Variants in UBASH3B observed in about 807,000 individuals in gnomAD.
UBASH3B encodes the protein ubiquitin associated and SH3 domain containing B, also known as ubiquitin-associated and SH3 domain-containing protein B.
In UBASH3B, 37 loss-of-function variants were observed where a neutral mutation model predicts 83.4. The ratio of observed to expected loss-of-function variants is 0.44; its 90% CI spans 0.34 to 0.58. UBASH3B has a LOEUF of 0.58. Among genes scored for constraint, UBASH3B ranks in the 20% least tolerant of loss-of-function variants. The pLI is 0.01. For missense variants in UBASH3B, 657 were observed against 827.2 expected (o/e 0.79, Z 2.52); for synonymous variants, 304 against 318.3 (o/e 0.96, Z 0.48).
intron 1 of UBASH3B, among the ~76,000 whole-genome samples, chr11:122,687,315 T>C (rs907303919): frequency 6.6e-6 from 1 of 152,246 alleles, no homozygotes; most frequent in African/African-American, 2.4e-5. Context: ...AAGGTCACGG[T>C]ATTTCCAAGT....
intron 1 of UBASH3B, among the ~76,000 whole-genome samples, chr11:122,756,709 C>T (rs1861288518): frequency 6.6e-6 from 1 of 152,212 alleles, no homozygotes; most frequent in Admixed American, 6.5e-5. Context: ...TCTCCCCTGC[C>T]ATGACCATAC....
chr11:122,800,565 T>A lies in UBASH3B; in HGVS notation c.1451-623T>A, dbSNP rs548283001. Among the ~76,000 whole-genome samples, 9 of 151,574 alleles carry A rather than the reference T, an allele frequency of 5.9e-5. No homozygotes were observed. In the East Asian group the frequency reaches 1.6e-3, roughly 26 times the overall value. Reference sequence around the variant, plus strand: ...CAAGACTCTGTATCAAAAAAAATAATAATAATAAAGAAAGAAAGAGGAATT... The same window carrying A: ...CAAGACTCTGTATCAAAAAAAATAAAAATAATAAAGAAAGAAAGAGGAATT... On this transcript the variant is annotated intron_variant, in intron 10 of 13. Transcript: ENST00000284273.
At chr11:122,784,665 A>G (rs1860916659) in intron 5 of UBASH3B, among the ~76,000 whole-genome samples, 1 of 152,222 alleles carries the variant, frequency 6.6e-6, no homozygotes, top group South Asian at 2.1e-4. Flanking sequence ...TTAAAAAACA[A>G]AACATGAAAA....
At chr11:122,779,801 G>T in intron 4 of UBASH3B, 106 bp downstream of exon 4, 1 of 1,349,416 alleles carries the variant, frequency 7.4e-7, no homozygotes. Context: ...GTCAGGAGGT[G>T]GAGGACCCTG....
At chr11:122,668,024 T>A (rs1170062081) in intron 1 of UBASH3B, among the ~76,000 whole-genome samples, 1 of 152,174 alleles carries the variant, frequency 6.6e-6, no homozygotes, top group Non-Finnish European at 1.5e-5. Flanking sequence ...TTCATTCTTG[T>A]TGCCAGGCTG....
intron 1 of UBASH3B, among the ~76,000 whole-genome samples, chr11:122,730,088 C>G (rs1860816684): frequency 6.7e-6 from 1 of 148,946 alleles, no homozygotes; most frequent in Non-Finnish European, 1.5e-5. Flanking sequence ...GAGTTCAAAA[C>G]CAGCCTGGCC....
Position 122,808,124 on chromosome 11 carries a change from T to C in UBASH3B, c.1760T>C (p.Leu587Pro). Residue 587 changes from leucine (L) to proline (P), a missense_variant, in exon 13 of 14, where the codon CTT (leucine) becomes CCT (proline). Leu to Pro is a moderately conservative substitution (Grantham distance 98, BLOSUM62 -3). This residue lies in a region of UBASH3B where 573 missense variants were observed against 739.0 expected (regional missense o/e 0.78). Transcript: ENST00000284273. ...ASSLEACTCQ[L>P]QGLSPQNSKD... is the part of the protein sequence containing the mutation. ...TCCCTTGAAGCGTGTACCTGCCAAC[T>C]TCAGGGCCTGTCACCTCAGAACTCC... 1 of 1,614,196 alleles carries C rather than the reference T, an allele frequency of 6.2e-7. No individual in the cohort carries two copies. Among genetic ancestry groups the C allele is most frequent in the Admixed American group, 1.7e-5 (1 of 60,024 alleles).
At chr11:122,791,840 G>C (rs1393588814) in intron 6 of UBASH3B, among the ~76,000 whole-genome samples, 1 of 152,194 alleles carries the variant, frequency 6.6e-6, no homozygotes, top group Non-Finnish European at 1.5e-5. Flanking sequence ...AAGGAAATAT[G>C]TTCTCTCCAC....
intron 10 of UBASH3B, among the ~76,000 whole-genome samples, chr11:122,799,820 AG>A (rs1861221328): frequency 6.6e-6 from 1 of 152,240 alleles, no homozygotes. Flanking sequence ...CGTGAGTTAC[AG>A]GTATCTCCAT....
Position 122,723,138 on chromosome 11 carries a change from T to C in UBASH3B, c.162-53081T>C, listed in dbSNP as rs75812202. ...AGATTCCTGGGCTCCTCCTGGCGATTTTAATTCAGTAGGCTTAAGAGGATC... is the reference window on the plus strand; with the variant it reads ...AGATTCCTGGGCTCCTCCTGGCGATCTTAATTCAGTAGGCTTAAGAGGATC... On this transcript the variant is annotated intron_variant, in intron 1 of 13. Transcript: ENST00000284273. Among the ~76,000 whole-genome samples, 9 of 152,362 alleles carry C rather than the reference T, an allele frequency of 5.9e-5. No homozygotes were observed. In the East Asian group the frequency reaches 1.7e-3, roughly 29 times the overall value.
intron 8 of UBASH3B, 56 bp downstream of exon 8, chr11:122,796,332 G>A: frequency 6.3e-7 from 1 of 1,592,872 alleles, no homozygotes; most frequent in Non-Finnish European, 8.6e-7. Context: ...CCTCTAGGCG[G>A]CACAGTCAAG....
At position 122,764,659 on chromosome 11, in the gene UBASH3B, G is replaced by C. The variant is rs142026510; in HGVS notation, c.162-11560G>C. Among the ~76,000 whole-genome samples, 254 of 152,362 alleles carry C rather than the reference G, an allele frequency of 1.7e-3. 2 individuals are homozygous for C. The highest frequency in any genetic ancestry group is 6.0e-3 in the African/African-American group (251 of 41,590). On this transcript the variant is annotated intron_variant, in intron 1 of 13. Transcript: ENST00000284273. ...TGGATCTTATTGGCCACTGGTAGCT[G>C]AAAGAGTGACCGTATCAGAAACTGA...
chr11:122,679,243 C>T (rs904536595), intron 1 of UBASH3B, among the ~76,000 whole-genome samples: 8 of 152,162 alleles, frequency 5.3e-5, no homozygotes, highest in African/African-American at 7.2e-5. Flanking sequence ...TGCATAGGCA[C>T]GATGGATGAG....
In UBASH3B at chr11:122,789,248, G is replaced by A. The variant is rs1861010476; in HGVS notation, c.920G>A (p.Gly307Glu). The A allele has an allele frequency of 6.2e-7, 1 of 1,614,068 alleles. No homozygotes were observed. The highest frequency in any genetic ancestry group is 8.5e-7 in the Non-Finnish European group (1 of 1,180,036). The part of the protein sequence containing the change: ...YGTSLTTGCS[G>E]LLPENYITKA... The stretch of plus-strand genomic sequence containing the variant: ...ACGTCCTTAACCACCGGCTGCTCTG[G>A]ACTCCTGCCTGAGAATTACATTACC... Residue 307 changes from glycine to glutamate, a missense_variant, in exon 6 of 14, where the codon GGA becomes GAA. Gly to Glu is a moderately conservative substitution (Grantham distance 98). Transcript: ENST00000284273.
At chr11:122,804,837 G>T (rs1861310412) in intron 11 of UBASH3B, among the ~76,000 whole-genome samples, 1 of 152,144 alleles carries the variant, frequency 6.6e-6, no homozygotes, top group Admixed American at 6.6e-5. Flanking sequence ...GACAAAATAA[G>T]AAAATTGAAA....
chr11:122,780,461 A>G (rs904739804), intron 4 of UBASH3B, among the ~76,000 whole-genome samples: 3 of 152,238 alleles, frequency 2.0e-5, no homozygotes, highest in African/African-American at 7.2e-5. Context: ...AAACAGACAG[A>G]CAATCTGGTG....
intron 1 of UBASH3B, among the ~76,000 whole-genome samples, chr11:122,724,786 T>A (rs1860702911): frequency 6.6e-6 from 1 of 151,772 alleles, no homozygotes; most frequent in South Asian, 2.1e-4. Flanking sequence ...ATGTGCTGCA[T>A]GAAAAGGAAG....
At chr11:122,656,907 C>T (rs1314391661) in intron 1 of UBASH3B, among the ~76,000 whole-genome samples, 1 of 152,180 alleles carries the variant, frequency 6.6e-6, no homozygotes, top group South Asian at 2.1e-4. Flanking sequence ...CTTCATCCTT[C>T]CTCTAGGAGA....
chr11:122,755,766 C>T (rs988914345), intron 1 of UBASH3B, among the ~76,000 whole-genome samples: 23 of 152,088 alleles, frequency 1.5e-4, no homozygotes, highest in South Asian at 4.2e-4. Context: ...GCCCGAGGTC[C>T]GATAATTTTA....
Sources: gnomAD v4.1 joint callset for allele counts (sites outside exome capture counted in the v4.1 genomes callset) on GRCh38, gnomAD v4.1.1 for gene constraint, gnomAD v4.1.1 regional missense constraint, MANE v1.5 for transcripts, NCBI Gene and HGNC (gene_info 2026-07-23, HGNC 2026-07-21) for gene names.